DOCK4: variants seen among roughly 807,000 people sequenced by gnomAD.
The protein encoded by DOCK4 is dedicator of cytokinesis 4.
Under a neutral mutation model 268.1 loss-of-function variants are expected in DOCK4, and 97 were observed. The observed-to-expected ratio is 0.36, with a 90% CI of 0.31 to 0.43. DOCK4 has a LOEUF of 0.43. DOCK4 is among the 20% of genes least tolerant of loss of function. The probability of loss-of-function intolerance (pLI) is 1.00; values close to 1 mark genes in which losing one functional copy is unlikely to be tolerated. For synonymous variants in DOCK4, 954 were observed against 887.2 expected (o/e 1.08, Z -1.34); for missense variants, 2,145 against 2,455.7 (o/e 0.87, Z 2.67).
chr7:112,007,774 A>T (rs1000134743), intron 1 of DOCK4, among the ~76,000 whole-genome samples: 1 of 152,198 alleles, frequency 6.6e-6, no homozygotes. Context: ...GCATTAATGA[A>T]GCTTCAATAT....
At chr7:111,992,833 TTC>T (rs1403924100) in intron 5 of DOCK4, among the ~76,000 whole-genome samples, 1 of 152,234 alleles carries the variant, frequency 6.6e-6, no homozygotes, top group Non-Finnish European at 1.5e-5. Flanking sequence ...TTCAAATAGT[TTC>T]TTTTTCCATG....
chr7:111,740,147 T>G (rs1795804437), intron 47 of DOCK4: 3 of 435,026 alleles, frequency 6.9e-6, no homozygotes, highest in African/African-American at 6.2e-5. Context: ...TTGCCCAGGC[T>G]GGAGTGCAGT....
intron 12 of DOCK4, among the ~76,000 whole-genome samples, chr7:111,925,699 G>A (rs1360333342): frequency 5.9e-5 from 9 of 152,172 alleles, no homozygotes; most frequent in Admixed American, 5.2e-4. Flanking sequence ...ATCTTGCAGA[G>A]CTAGATACTT....
rs1369652097 is a variant in DOCK4, at chr7:111,831,545, T to C, written c.2835+3043A>G. On this transcript the variant is annotated intron_variant, in intron 26 of 52. Transcript: ENST00000428084. Reference sequence around the variant, plus strand: ...TGTTGCCCAGGTTGGAGAGGAGTGGTGCAATCACAGCTCACTGCAGCCTCC... The same window carrying C: ...TGTTGCCCAGGTTGGAGAGGAGTGGCGCAATCACAGCTCACTGCAGCCTCC... Among the ~76,000 whole-genome samples, 3 of 151,514 alleles carry C rather than the reference T, an allele frequency of 2.0e-5. No homozygotes were observed. In the East Asian group the frequency reaches 5.8e-4, roughly 29 times the overall value.
At chr7:111,758,416 C>T (rs927645416) in intron 41 of DOCK4, among the ~76,000 whole-genome samples, 26 of 152,192 alleles carry the variant, frequency 1.7e-4, no homozygotes, top group African/African-American at 6.3e-4. Context: ...AATTCCTGAG[C>T]TGGGCACCAG....
chr7:111,809,491 T>C (rs1349135598), intron 28 of DOCK4, 90 bp from the exon 29 acceptor site: 1 of 1,103,010 alleles, frequency 9.1e-7, no homozygotes, highest in Non-Finnish European at 1.3e-6. Context: ...GCTTCAAAAG[T>C]GGTTGAGGGT....
At chr7:111,909,498 A>G (rs1029341441) in intron 13 of DOCK4, among the ~76,000 whole-genome samples, 2 of 152,274 alleles carry the variant, frequency 1.3e-5, no homozygotes, top group Non-Finnish European at 2.9e-5. Context: ...AGCACTATTT[A>G]TAATAGCAAA....
At chr7:111,761,313 G>A (rs934345712) in intron 39 of DOCK4, among the ~76,000 whole-genome samples, 1 of 152,148 alleles carries the variant, frequency 6.6e-6, no homozygotes, top group African/African-American at 2.4e-5. Context: ...GCCTGTCTCG[G>A]CCTCCCATAG....
intron 12 of DOCK4, among the ~76,000 whole-genome samples, chr7:111,934,523 G>GTTTTTTTTTTTTTTTTTTT (rs1183672033): frequency 4.8e-5 from 4 of 83,834 alleles, no homozygotes; most frequent in Non-Finnish European, 8.0e-5. Context: ...TTTTGTTTTT[G>GTTTTTTTTTTTTTTTTTTT]TTTTTTTTTT....
chr7:111,806,533 T>C (rs2133884025), intron 30 of DOCK4, among the ~76,000 whole-genome samples: 1 of 152,306 alleles, frequency 6.6e-6, no homozygotes, highest in Admixed American at 6.5e-5. Context: ...AACCACGTCA[T>C]GCTGGGAATC....
intron 1 of DOCK4, among the ~76,000 whole-genome samples, chr7:112,080,698 G>A (rs1326565164): frequency 2.0e-5 from 3 of 152,130 alleles, no homozygotes; most frequent in African/African-American, 7.2e-5. Flanking sequence ...TGTTAGATGT[G>A]GATGACACAG....
intron 1 of DOCK4, among the ~76,000 whole-genome samples, chr7:112,081,055 G>T (rs555427759): frequency 6.6e-6 from 1 of 152,066 alleles, no homozygotes; most frequent in East Asian, 1.9e-4. Flanking sequence ...CACAGGCCAC[G>T]GATAGGAGGC....
chr7:111,741,572 G>T lies in DOCK4; in HGVS notation c.4887C>A (p.Ser1629Arg). 1 of 1,613,410 alleles carries T rather than the reference G, an allele frequency of 6.2e-7. No homozygotes were observed. Among genetic ancestry groups the T allele is most frequent in the Non-Finnish European group, 8.5e-7 (1 of 1,179,682 alleles). ...VCRNSAPASVSPDGTRVIPRR... is the reference protein window; with the variant it reads ...VCRNSAPASVRPDGTRVIPRR... ...TAGGAATTACCCTGGTACCATCTGG[G>T]CTCACAGAAGCAGGTGCTGAGTTTC... Residue 1629 changes from serine (S) to arginine (R), a missense_variant, in exon 46 of 53, where the codon AGC becomes AGA. This residue lies in a region of DOCK4 where 547 missense variants were observed against 469.0 expected (regional missense o/e 1.17). Transcript: ENST00000428084.
chr7:111,829,558 G>C (rs1234284118), intron 26 of DOCK4, among the ~76,000 whole-genome samples: 3 of 152,148 alleles, frequency 2.0e-5, no homozygotes, highest in South Asian at 4.1e-4. Flanking sequence ...GAATGATTTA[G>C]ATGACCTTAA....
chr7:111,926,243 C>T (rs879770558), intron 12 of DOCK4, among the ~76,000 whole-genome samples: 1 of 125,338 alleles, frequency 8.0e-6, no homozygotes, highest in Admixed American at 8.0e-5. Flanking sequence ...CATGGTAAAA[C>T]CCCATCTCTA....
intron 1 of DOCK4, among the ~76,000 whole-genome samples, chr7:112,094,495 A>G (rs776313199): frequency 1.3e-5 from 2 of 152,216 alleles, no homozygotes; most frequent in Non-Finnish European, 2.9e-5. Context: ...AATTACACCA[A>G]CTTAGTTGTA....
At chr7:112,045,443 T>A (rs1203859057) in intron 1 of DOCK4, among the ~76,000 whole-genome samples, 1 of 152,170 alleles carries the variant, frequency 6.6e-6, no homozygotes, top group African/African-American at 2.4e-5. Flanking sequence ...GTTAGCTCTA[T>A]GAGACTAGGG....
intron 26 of DOCK4, among the ~76,000 whole-genome samples, chr7:111,825,264 T>C (rs1321186580): frequency 6.6e-6 from 1 of 152,216 alleles, no homozygotes; most frequent in African/African-American, 2.4e-5. Context: ...CATTTTAGTA[T>C]TTACATGTAA....
Position 111,765,184 on chromosome 7 carries a change from C to T in DOCK4, c.3954G>A (p.Gln1318=). The change falls in exon 39 of 53, where the codon CAG becomes CAA. Residue 1318 remains glutamine (Q), a synonymous_variant. Transcript: ENST00000428084. ...TGAAGAACTCTGGTTCAAGACGTTGCTGGTCCATAATTTTGTCATACAAAG... is the reference window on the plus strand; with the variant it reads ...TGAAGAACTCTGGTTCAAGACGTTGTTGGTCCATAATTTTGTCATACAAAG... ...EASLYDKIMD[Q]QRLEPEFFRV... 1 of 1,555,354 alleles carries T rather than the reference C, an allele frequency of 6.4e-7. No homozygotes were observed. The highest frequency in any genetic ancestry group is 8.7e-7 in the Non-Finnish European group (1 of 1,152,748).
Sources: allele counts gnomAD v4.1 joint callset (sites outside exome capture counted in the v4.1 genomes callset), GRCh38; gene constraint gnomAD v4.1.1; regional missense constraint gnomAD v4.1.1; transcripts MANE v1.5; gene names NCBI Gene and HGNC (gene_info 2026-07-23, HGNC 2026-07-21).